The following HDAC6 variants were observed in gnomAD, a reference collection of about 807,000 sequenced individuals.
The protein encoded by HDAC6 is histone deacetylase 6, also known as protein deacetylase HDAC6.
A neutral mutation model predicts 88.9 loss-of-function variants in HDAC6; 5 were observed. The ratio of observed to expected loss-of-function variants is 0.06; its 90% CI spans 0.03 to 0.12. The LOEUF is 0.12. Among genes scored for constraint, HDAC6 ranks in the 10% least tolerant of loss-of-function variants. The probability of loss-of-function intolerance (pLI) is 1.00; values close to 1 mark genes in which losing one functional copy is unlikely to be tolerated. For missense variants in HDAC6, 706 were observed against 1,014.4 expected (o/e 0.70, Z 4.13); for synonymous variants, 378 against 398.0 (o/e 0.95, Z 0.60).
rs980030094 is a variant in HDAC6 at position 48,817,762 on chromosome X, C to T, written c.1926-279C>T. 1.0e-4 allele frequency: 42 copies of T among 418,572 alleles called. No homozygotes were observed. In the Middle Eastern group the frequency reaches 3.9e-3, roughly 39 times the overall value. 34.5% of individuals were successfully genotyped at this position (418,572 alleles called of 1,213,427 possible). Reference sequence around the variant, plus strand: ...CCCAGGTCTAGGCTCCTGATGCATACTCCAGAAGACCCACGAACCAGCCCC... The same window carrying T: ...CCCAGGTCTAGGCTCCTGATGCATATTCCAGAAGACCCACGAACCAGCCCC... On this transcript the variant is annotated intron_variant, in intron 20 of 28. Coordinates refer to ENST00000334136, the MANE Select transcript of HDAC6 (RefSeq NM_006044.4).
In HDAC6 at chrX:48,802,668, C is replaced by T. The variant is rs1557022739; in HGVS notation, c.-25C>T. On this transcript the variant is annotated 5_prime_UTR_variant, in exon 2 of 29. Transcript: ENST00000334136. Reference sequence around the variant, plus strand: ...GCTCCTCCCCCCACCCCCAGAACCGCGGCAGGGGCCAAGCCTCCTCAACTA... The same window carrying T: ...GCTCCTCCCCCCACCCCCAGAACCGTGGCAGGGGCCAAGCCTCCTCAACTA... 1 of 1,190,667 alleles carries T rather than the reference C, an allele frequency of 8.4e-7. No individual in the cohort carries two copies. The highest frequency in any genetic ancestry group is 1.1e-6 in the Non-Finnish European group (1 of 885,117).
rs145263943 is a variant in HDAC6 at position 48,822,287 on chromosome X, G to A, written c.2338-333G>A. ...AGGCAAGTTCCTGTATAGATTGAGC[G>A]CCTGTGGTTGTGAGGATTGAGTTAA... is the stretch of plus-strand genomic sequence containing the variant. On this transcript the variant is annotated intron_variant, in intron 23 of 28. Coordinates refer to ENST00000334136, the MANE Select transcript of HDAC6 (RefSeq NM_006044.4). Among the ~76,000 whole-genome samples, 932 of 111,998 alleles carry A rather than the reference G, an allele frequency of 8.3e-3. 14 individuals carry two copies. The highest frequency in any genetic ancestry group is 0.028 in the African/African-American group (877 of 30,819).
chrX:48,818,684 A>G (rs1428282474), intron 22 of HDAC6, among the ~76,000 whole-genome samples: 11 of 112,103 alleles, frequency 9.8e-5, no homozygotes, highest in Non-Finnish European at 1.9e-4. Context: ...CTATGCACCA[A>G]TGGCCCGTGT....
chrX:48,817,300 G>A, intron 19 of HDAC6, 26 bp from the exon 20 acceptor site: 2 of 1,148,541 alleles, frequency 1.7e-6, no homozygotes, highest in East Asian at 3.2e-5. Flanking sequence ...CAGGCTGTCC[G>A]ATCTTAGCAC....
chrX:48,814,225 G>A (rs2062945346), intron 10 of HDAC6: 2 of 425,614 alleles, frequency 4.7e-6, no homozygotes, highest in Non-Finnish European at 8.1e-6. Context: ...TGAAAAAATG[G>A]TAAGATGATT....
Position 48,815,612 on chromosome X carries a change from G to A in HDAC6, c.1294G>A (p.Glu432Lys), listed in dbSNP as rs1557027316. The part of the protein sequence containing the change: ...ASVSCALEAL[E>K]PFWEVLVRST... ...AGTTTCCTGTGCTCTGGAAGCCCTT[G>A]AGCCCTTCTGGGAGGTTCTTGTGAG... Residue 432 changes from glutamate (E) to lysine (K), a missense_variant, in exon 16 of 29, where the codon GAG becomes AAG. Physicochemically the swap from Glu to Lys is moderately conservative, Grantham distance 56. Transcript: ENST00000334136. The A allele has an allele frequency of 1.7e-6, 2 of 1,211,034 alleles. No individual in the cohort carries two copies. The highest frequency in any genetic ancestry group is 2.2e-6 in the Non-Finnish European group (2 of 894,968).
chrX:48,816,886 C>G, intron 19 of HDAC6: 1 of 366,806 alleles, frequency 2.7e-6, no homozygotes, highest in East Asian at 4.4e-5. Flanking sequence ...CTCAGGAGGT[C>G]AAGGCTGCAG....
At chrX:48,810,981 A>G (rs1390768540) in intron 10 of HDAC6, 2 of 111,446 alleles carry the variant, frequency 1.8e-5, no homozygotes, top group African/African-American at 6.5e-5. Context: ...ATGTCCTCTC[A>G]TACCTGATCT....
Position 48,811,459 on chromosome X carries a change from G to C in HDAC6, c.807-2981G>C, listed in dbSNP as rs1476584285. Among the ~76,000 whole-genome samples, 3 of 112,301 alleles carry C rather than the reference G, an allele frequency of 2.7e-5. No homozygotes were observed. The East Asian group carries it at 8.3e-4, about 31-fold the overall frequency. On this transcript the variant is annotated intron_variant, in intron 10 of 28. Coordinates refer to ENST00000334136, the MANE Select transcript of HDAC6 (RefSeq NM_006044.4). ...TATTTGGCTATTTATACCCAAGAAT[G>C]AAGGCCCATTGTAGGGGGCTGTCAG... is the stretch of plus-strand genomic sequence containing the variant.
rs1557028048 is a variant in HDAC6, at chrX:48,817,426, G to A, written c.1892G>A (p.Arg631His). ...TTCAACTCTGTGGCTGTGGCTGCTC[G>A]CCATGCCCAGACTATCAGTGGGCAT... ...CFFNSVAVAA[R>H]HAQTISGHAL... The change falls in exon 20 of 29, where the codon CGC becomes CAC. Residue 631 changes from arginine (R) to histidine (H), a missense_variant. Physicochemically the swap from Arg to His is conservative, Grantham distance 29. Coordinates refer to ENST00000334136, the MANE Select transcript of HDAC6 (RefSeq NM_006044.4). 3.3e-6 allele frequency: 4 copies of A among 1,208,412 alleles called. No individual in the cohort carries two copies. The highest frequency in any genetic ancestry group is 4.5e-6 in the Non-Finnish European group (4 of 894,305).
At chrX:48,824,113 C>T in intron 27 of HDAC6, 45 bp downstream of exon 27, 1 of 1,205,510 alleles carries the variant, frequency 8.3e-7, no homozygotes, top group Non-Finnish European at 1.1e-6. Context: ...GGCCCGGGAG[C>T]AAACTGCAGG....
In HDAC6 at chrX:48,816,179, T is replaced by C. The variant is rs1557027551; in HGVS notation, c.1532T>C (p.Met511Thr). Residue 511 changes from methionine (M) to threonine (T), a missense_variant, in exon 18 of 29, where the codon ATG becomes ACG. Met to Thr is a moderately conservative substitution (Grantham distance 81). Transcript: ENST00000334136. ...GTACCCCAGCGCATCTTGCGGATCA[T>C]GTGCCGTCTGGAGGAGCTGGGCCTT... ...PEVPQRILRI[M>T]CRLEELGLAG... 8.3e-7 allele frequency: 1 copy of C among 1,211,232 alleles called. No homozygotes were observed. The highest frequency in any genetic ancestry group is 1.1e-6 in the Non-Finnish European group (1 of 895,500).
At chrX:48,811,486 G>A (rs1337182742) in intron 10 of HDAC6, among the ~76,000 whole-genome samples, 2 of 112,169 alleles carry the variant, frequency 1.8e-5, no homozygotes, top group Admixed American at 1.9e-4. Flanking sequence ...GGCTGTCAGA[G>A]GACTACTCTG....
In HDAC6 at chrX:48,823,183, C is replaced by T; in HGVS notation, c.2784C>T (p.Ala928=). The stretch of plus-strand genomic sequence containing the variant: ...TGGCCCAGACCATTTCTGAGGCAGC[C>T]ATTGGGGGAGCCATGCTGGGCCAGA... ...ATLAQTISEA[A]IGGAMLGQTT... The change falls in exon 25 of 29, where the codon GCC becomes GCT. Residue 928 remains alanine (A), a synonymous_variant. Coordinates refer to ENST00000334136, the MANE Select transcript of HDAC6 (RefSeq NM_006044.4). 8.3e-7 allele frequency: 1 copy of T among 1,206,802 alleles called. No individual in the cohort carries two copies.
intron 4 of HDAC6, among the ~76,000 whole-genome samples, chrX:48,805,084 G>A (rs1250577276): frequency 9.0e-6 from 1 of 111,560 alleles, no homozygotes; most frequent in Non-Finnish European, 1.9e-5. Flanking sequence ...GGGCCTTCTG[G>A]GCATGGGTAA....
Position 48,805,419 on chromosome X carries a change from T to C in HDAC6, c.312-19T>C, listed in dbSNP as rs1557023813. 1.7e-6 allele frequency: 2 copies of C among 1,177,345 alleles called. No individual in the cohort carries two copies. Among genetic ancestry groups the C allele is most frequent in the Non-Finnish European group, 2.3e-6 (2 of 866,543 alleles). Reference sequence around the variant, plus strand: ...CCCAGTGTCCTCATGCATCTGTGACTGTGACTCCATCTCCCCAGCTTCCCG... The same window carrying C: ...CCCAGTGTCCTCATGCATCTGTGACCGTGACTCCATCTCCCCAGCTTCCCG... On this transcript the variant is annotated intron_variant, in intron 4 of 28. Transcript: ENST00000334136.
chrX:48,806,428 C>T lies in HDAC6; in HGVS notation c.498C>T (p.Val166=). 1 of 1,195,670 alleles carries T rather than the reference C, an allele frequency of 8.4e-7. No homozygotes were observed. The highest frequency in any genetic ancestry group is 1.1e-6 in the Non-Finnish European group (1 of 880,671). ...TQYMNEGELR[V]LADTYDSVYL... ...ACATGAATGAGGGAGAACTCCGTGT[C>T]CTAGCAGACACCTACGACTCAGTTT... Residue 166 remains valine (V), a synonymous_variant, in exon 7 of 29, where the codon GTC becomes GTT. Coordinates refer to ENST00000334136, the MANE Select transcript of HDAC6 (RefSeq NM_006044.4).
In HDAC6 at chrX:48,806,624, G is replaced by A. The variant is rs781813174; in HGVS notation, c.550G>A (p.Ala184Thr). Residue 184 changes from alanine to threonine, a missense_variant, in exon 8 of 29, where the codon GCC becomes ACC. Ala to Thr is a moderately conservative substitution (Grantham distance 58). Around this residue, in one of 9 missense-constraint regions of HDAC6, gnomAD observed 193 missense variants for 258.2 expected, o/e 0.75. Transcript: ENST00000334136. Reference protein sequence around the residue: ...VYLHPNSYSCACLASGSVLRL... With the variant: ...VYLHPNSYSCTCLASGSVLRL... Reference sequence around the variant, plus strand: ...GTCTCTCCAGAACTCATACTCCTGTGCCTGCCTGGCCTCAGGCTCTGTCCT... The same window carrying A: ...GTCTCTCCAGAACTCATACTCCTGTACCTGCCTGGCCTCAGGCTCTGTCCT... 1 of 1,207,175 alleles carries A rather than the reference G, an allele frequency of 8.3e-7. No individual in the cohort carries two copies. The highest frequency in any genetic ancestry group is 2.2e-5 in the Admixed American group (1 of 45,951).
chrX:48,821,935 C>T (rs1241976882), intron 23 of HDAC6, among the ~76,000 whole-genome samples: 1 of 112,081 alleles, frequency 8.9e-6, no homozygotes, highest in Admixed American at 9.5e-5. Flanking sequence ...GAGTTAAGAA[C>T]ACAGATGACT....
Sources: gnomAD v4.1 joint callset for allele counts (sites outside exome capture counted in the v4.1 genomes callset) on GRCh38, gnomAD v4.1.1 for gene constraint, gnomAD v4.1.1 regional missense constraint, MANE v1.5 for transcripts, NCBI Gene and HGNC (gene_info 2026-07-23, HGNC 2026-07-21) for gene names.